DIPK1C: variants seen among roughly 807,000 people sequenced by gnomAD.
The protein encoded by DIPK1C is divergent protein kinase domain 1C.
In DIPK1C, 33 loss-of-function variants were observed where a neutral mutation model predicts 28.0. That is an observed-to-expected ratio of 1.18 (90% confidence interval 0.89 to 1.58). The LOEUF (loss-of-function observed/expected upper bound fraction) is 1.58. Among genes scored for constraint, DIPK1C ranks in the 40% most tolerant of loss-of-function variants. The pLI is 0.00. For synonymous variants in DIPK1C, 255 were observed against 248.8 expected (o/e 1.02, Z -0.23); for missense variants, 569 against 568.5 (o/e 1.00, Z -0.01).
intron 2 of DIPK1C, among the ~76,000 whole-genome samples, chr18:74,444,925 AACC>A (rs1986225418): frequency 1.3e-5 from 2 of 152,238 alleles, no homozygotes; most frequent in South Asian, 4.1e-4. Context: ...GGCTCCCACA[AACC>A]AGTAACTGGA....
At chr18:74,444,810 C>T (rs576874916) in intron 2 of DIPK1C, among the ~76,000 whole-genome samples, 8 of 152,180 alleles carry the variant, frequency 5.3e-5, no homozygotes, top group African/African-American at 1.4e-4. Flanking sequence ...CAGCACCAGC[C>T]GACAAAACAC....
chr18:74,445,941 C>T (rs1262461970), intron 2 of DIPK1C, among the ~76,000 whole-genome samples: 2 of 152,240 alleles, frequency 1.3e-5, no homozygotes, highest in East Asian at 1.9e-4. Flanking sequence ...TTGTGTTACA[C>T]GGAGACACTG....
At chr18:74,452,957 G>A (rs192906340) in intron 1 of DIPK1C, among the ~76,000 whole-genome samples, 9 of 152,114 alleles carry the variant, frequency 5.9e-5, no homozygotes, top group Non-Finnish European at 8.8e-5. Context: ...CACAGGTATT[G>A]GAGTTGAAAA....
intron 3 of DIPK1C, 120 bp from the exon 4 acceptor site, chr18:74,436,839 C>T: frequency 1.1e-6 from 1 of 899,508 alleles, no homozygotes; most frequent in Non-Finnish European, 1.7e-6. Context: ...CCCCGTCCTT[C>T]AGGGAGCACA....
chr18:74,451,185 G>T (rs1463444250), intron 1 of DIPK1C, among the ~76,000 whole-genome samples: 2 of 152,182 alleles, frequency 1.3e-5, no homozygotes, highest in Non-Finnish European at 2.9e-5. Flanking sequence ...TTGTGCAAAG[G>T]CCCCGAGTTT....
chr18:74,441,202 A>T (rs1599035576), intron 3 of DIPK1C, among the ~76,000 whole-genome samples: 1 of 152,072 alleles, frequency 6.6e-6, no homozygotes, highest in Admixed American at 6.5e-5. Flanking sequence ...CCACTAGGGG[A>T]GCGGGTTGGA....
chr18:74,461,328 TTTCCTTCCTTCCTTCTTTCCTTCC>T (rs1986613425), upstream of DIPK1C, among the ~76,000 whole-genome samples: 1 of 143,482 alleles, frequency 7.0e-6, no homozygotes, highest in Admixed American at 7.1e-5. Context: ...TTCTTTTTCT[TTTCCTTCCTTCCTTCTTTCCTTCC>T]TTCCTTCCTT....
chr18:74,449,057 TG>T (rs1986338133), intron 1 of DIPK1C, among the ~76,000 whole-genome samples: 1 of 151,890 alleles, frequency 6.6e-6, no homozygotes, highest in South Asian at 2.1e-4. Context: ...TGGAGTGAGC[TG>T]AAATTGTGCC....
chr18:74,462,679 A>C (rs77992423), upstream of DIPK1C, among the ~76,000 whole-genome samples: 4,054 of 152,154 alleles, frequency 0.027, 76 homozygotes, highest in East Asian at 0.059. Context: ...AAAAAAAAAA[A>C]AAACTGCCAA....
upstream of DIPK1C, among the ~76,000 whole-genome samples, chr18:74,460,893 G>A (rs1028109529): frequency 6.6e-6 from 1 of 152,232 alleles, no homozygotes. Flanking sequence ...TGGTGAGGGA[G>A]ACCATCAAGC....
rs1371914793 is a variant in DIPK1C at position 74,436,192 on chromosome 18, C to T, written c.*309G>A. Reference sequence around the variant, plus strand: ...ACAGCTGGAACTCGTGCTGGGATAACCAGGTACAAGTGCTCTCTGCAGAGA... The same window carrying T: ...ACAGCTGGAACTCGTGCTGGGATAATCAGGTACAAGTGCTCTCTGCAGAGA... On this transcript the variant is annotated 3_prime_UTR_variant, in exon 4 of 4. Transcript: ENST00000343998. 5.4e-6 allele frequency: 2 copies of T among 367,384 alleles called. No individual in the cohort carries two copies. The highest frequency in any genetic ancestry group is 9.9e-6 in the Non-Finnish European group (2 of 202,194). 22.8% of individuals were successfully genotyped at this position (367,384 alleles called of 1,614,324 possible).
At position 74,447,540 on chromosome 18, in the gene DIPK1C, G is replaced by A. The variant is rs945858771; in HGVS notation, c.199-257C>T. Among the ~76,000 whole-genome samples, 24 of 152,184 alleles carry A rather than the reference G, an allele frequency of 1.6e-4. No homozygotes were observed. Among genetic ancestry groups the A allele is most frequent in the Admixed American group, 1.3e-3 (20 of 15,284 alleles). On this transcript the variant is annotated intron_variant, in intron 1 of 3. Transcript: ENST00000343998. This position sits in a 1 kb window ranked among gnomAD's most constrained non-coding sequence, Gnocchi z 4.1. ...GGGTCTACAGAATCAGGACACCTGCGGCCGGGAAGCACGACTTCCCATCGT... is the reference window on the plus strand; with the variant it reads ...GGGTCTACAGAATCAGGACACCTGCAGCCGGGAAGCACGACTTCCCATCGT...
At chr18:74,450,083 C>T (rs968888557) in intron 1 of DIPK1C, among the ~76,000 whole-genome samples, 6 of 151,868 alleles carry the variant, frequency 4.0e-5, no homozygotes, top group African/African-American at 1.2e-4. Context: ...GAACTGAGGC[C>T]ACCGTGAGCA....
the DIPK1C span, among the ~76,000 whole-genome samples, chr18:74,462,948 C>T: frequency 1.3e-5 from 2 of 152,256 alleles, no homozygotes; most frequent in African/African-American, 4.8e-5. Flanking sequence ...ATGATAGAAC[C>T]ACATTTTAGG....
intron 1 of DIPK1C, among the ~76,000 whole-genome samples, chr18:74,455,792 C>G (rs2144532796): frequency 6.6e-6 from 1 of 150,656 alleles, no homozygotes; most frequent in Admixed American, 6.6e-5. Flanking sequence ...GCTAAAACTT[C>G]AGTGTAACAC....
intron 1 of DIPK1C, among the ~76,000 whole-genome samples, chr18:74,456,397 G>A (rs1986512191): frequency 6.6e-6 from 1 of 152,258 alleles, no homozygotes; most frequent in Non-Finnish European, 1.5e-5. Flanking sequence ...TCCCAGGTTA[G>A]GAGGCGCCTG....
chr18:74,464,461 C>G, the DIPK1C span, among the ~76,000 whole-genome samples: 131 of 152,348 alleles, frequency 8.6e-4, no homozygotes, highest in Non-Finnish European at 1.4e-3. Context: ...CATCCTCCCC[C>G]ACATCAACAT....
At chr18:74,454,040 C>T (rs1169097623) in intron 1 of DIPK1C, among the ~76,000 whole-genome samples, 1 of 152,174 alleles carries the variant, frequency 6.6e-6, no homozygotes, top group African/African-American at 2.4e-5. Flanking sequence ...ATCAGTGATC[C>T]AGCACCAAGC....
At chr18:74,441,926 C>A (rs767879908) in intron 3 of DIPK1C, 26 bp downstream of exon 3, 3 of 1,605,190 alleles carry the variant, frequency 1.9e-6, no homozygotes, top group Non-Finnish European at 1.7e-6. Context: ...ACCCTCTCCT[C>A]CCCCAGCCCT....
Sources: allele counts gnomAD v4.1 joint callset (sites outside exome capture counted in the v4.1 genomes callset), GRCh38; gene constraint gnomAD v4.1.1; non-coding constraint Gnocchi (gnomAD v3.1); transcripts MANE v1.5; gene names NCBI Gene and HGNC (gene_info 2026-07-23, HGNC 2026-07-21).